COX7A2L: variants seen among roughly 807,000 people sequenced by gnomAD.
COX7A2L encodes the protein cytochrome c oxidase subunit 7A2-like, mitochondrial.
In COX7A2L, 18 loss-of-function variants were observed where a neutral mutation model predicts 14.2. The ratio of observed to expected loss-of-function variants is 1.27; its 90% CI spans 0.88 to 1.88. The LOEUF is 1.88. Ranked by LOEUF, COX7A2L falls within the 40% of genes most tolerant of loss-of-function variation. The probability of loss-of-function intolerance (pLI) is 0.00; values close to 1 mark genes in which losing one functional copy is unlikely to be tolerated. For missense variants in COX7A2L, 179 were observed against 138.8 expected (o/e 1.29, Z -1.46); for synonymous variants, 65 against 57.4 (o/e 1.13, Z -0.60).
chr2:42,362,372 T>A (rs1436300475), upstream of COX7A2L, among the ~76,000 whole-genome samples: 1 of 152,236 alleles, frequency 6.6e-6, no homozygotes, highest in Admixed American at 6.5e-5. Context: ...TATGAAATCA[T>A]GTTGCAAATT....
At chr2:42,347,694 C>T (rs970471607), downstream of COX7A2L, among the ~76,000 whole-genome samples, 1 of 152,102 alleles carries the variant, frequency 6.6e-6, no homozygotes, top group African/African-American at 2.4e-5. Context: ...GGCCAAGGCA[C>T]GTGGATCACC....
chr2:42,351,134 T>TAA lies in COX7A2L; in HGVS notation c.*83_*84dup, dbSNP rs568475280. 3.6e-5 allele frequency: 43 copies of TAA among 1,187,290 alleles called. No individual in the cohort carries two copies. Among genetic ancestry groups the TAA allele is most frequent in the South Asian group, 5.3e-5 (3 of 57,006 alleles). 73.5% of individuals were successfully genotyped at this position (1,187,290 alleles called of 1,614,324 possible). On this transcript the variant is annotated 3_prime_UTR_variant, in exon 3 of 3. Transcript: ENST00000234301. Reference sequence around the variant, plus strand: ...TTGCAAAAATGTTAAGCCATCCAAGTAAAAAAAAAAATTTTAATTTAACAA... The same window carrying TAA: ...TTGCAAAAATGTTAAGCCATCCAAGTAAAAAAAAAAAAATTTTAATTTAACAA...
At chr2:42,353,008 G>A in intron 2 of COX7A2L, 1 of 625,886 alleles carries the variant, frequency 1.6e-6, no homozygotes, top group South Asian at 2.2e-5. Flanking sequence ...TACTAATGAG[G>A]AAATTAACCA....
rs535710805 is a variant in COX7A2L, at chr2:42,361,169, A to G, written c.-8T>C. The G allele has an allele frequency of 1.1e-5, 17 of 1,607,646 alleles. No homozygotes were observed. The South Asian group carries it at 1.2e-4, about 12-fold the overall frequency. On this transcript the variant is annotated 5_prime_UTR_variant, in exon 1 of 3. Coordinates refer to ENST00000234301, the MANE Select transcript of COX7A2L (RefSeq NM_004718.4). Reference sequence around the variant, plus strand: ...ACTAAACTTGTAGTACATGACGCCCAGAGTCCGGCTTCCCGCATCCGCTGC... The same window carrying G: ...ACTAAACTTGTAGTACATGACGCCCGGAGTCCGGCTTCCCGCATCCGCTGC...
At chr2:42,364,117 A>G (rs1188959529), upstream of COX7A2L, among the ~76,000 whole-genome samples, 1 of 152,020 alleles carries the variant, frequency 6.6e-6, no homozygotes, top group Non-Finnish European at 1.5e-5. Flanking sequence ...CGGGCGTGGT[A>G]GCGGGCGCCT....
intron 1 of COX7A2L, among the ~76,000 whole-genome samples, chr2:42,368,078 T>A (rs151116335): frequency 1.4e-3 from 207 of 152,380 alleles, no homozygotes; most frequent in African/African-American, 4.9e-3. Context: ...ATGTCAGGAA[T>A]GCAGAGCCTG....
chr2:42,336,062 CT>C (rs1670263680), intron 2 of COX7A2L, among the ~76,000 whole-genome samples: 2 of 152,230 alleles, frequency 1.3e-5, no homozygotes, highest in South Asian at 4.1e-4. Context: ...ACACCACTCC[CT>C]TATTATCCAG....
intron 2 of COX7A2L, among the ~76,000 whole-genome samples, chr2:42,336,096 C>T (rs878884464): frequency 6.6e-6 from 1 of 152,226 alleles, no homozygotes. Flanking sequence ...TTCCATTTCA[C>T]TGAGCTCAGC....
In COX7A2L at chr2:42,342,237, G is replaced by A. The variant is rs1279508777; in HGVS notation, c.193-8368C>T. On this transcript the variant is annotated intron_variant, in intron 2 of 2. Coordinates refer to the COX7A2L transcript ENST00000468711. This position sits in a 1 kb window ranked among gnomAD's most constrained non-coding sequence, Gnocchi z 4.9. ...TGGTACAGCTGGAACCCTGAAGGGG[G>A]CCCTGGACCAGCAGAGCCTGCCTCT... Among the ~76,000 whole-genome samples the A allele has an allele frequency of 6.6e-6, 1 of 152,070 alleles. No homozygotes were observed. The highest frequency in any genetic ancestry group is 1.5e-5 in the Non-Finnish European group (1 of 67,998).
At chr2:42,347,439 A>G (rs1670521319), downstream of COX7A2L, among the ~76,000 whole-genome samples, 1 of 152,044 alleles carries the variant, frequency 6.6e-6, no homozygotes, top group South Asian at 2.1e-4. Context: ...ACAGCTAAAG[A>G]TTATGCATTA....
chr2:42,364,268 A>AG (rs1264344361), upstream of COX7A2L, among the ~76,000 whole-genome samples: 1 of 151,098 alleles, frequency 6.6e-6, no homozygotes, highest in East Asian at 1.9e-4. Flanking sequence ...AAAAAAAAAA[A>AG]AAATTGACAG....
rs1052986500 is a variant in COX7A2L at position 42,351,784 on chromosome 2, G to T, written c.205-425C>A. Among the ~76,000 whole-genome samples the T allele has an allele frequency of 1.1e-4, 16 of 152,130 alleles. 1 individual carries two copies. Among genetic ancestry groups the T allele is most frequent in the Admixed American group, 6.5e-4 (10 of 15,288 alleles). ...AGCCCAGGAGTTCAAGACCAGCCTG[G>T]GCAACATGGCAAAACCCTGTCTCTA... On this transcript the variant is annotated intron_variant, in intron 2 of 2. Coordinates refer to ENST00000234301, the MANE Select transcript of COX7A2L (RefSeq NM_004718.4).
intron 2 of COX7A2L, among the ~76,000 whole-genome samples, chr2:42,341,270 T>C (rs1670399485): frequency 6.6e-6 from 1 of 152,030 alleles, no homozygotes; most frequent in Non-Finnish European, 1.5e-5. Flanking sequence ...CATCTACCCC[T>C]TGGCAGGAGC....
downstream of COX7A2L, among the ~76,000 whole-genome samples, chr2:42,346,673 T>C (rs1036489744): frequency 6.6e-6 from 1 of 151,726 alleles, no homozygotes; most frequent in East Asian, 1.9e-4. Context: ...GTGAGGTGGA[T>C]CACTTGAGCC....
chr2:42,341,602 G>A (rs887797037), intron 2 of COX7A2L, among the ~76,000 whole-genome samples: 3 of 152,134 alleles, frequency 2.0e-5, no homozygotes, highest in East Asian at 1.9e-4. Context: ...AGTGATGGGT[G>A]GGGGGACACA....
chr2:42,354,810 G>A (rs1234133533), intron 1 of COX7A2L, among the ~76,000 whole-genome samples: 1 of 152,174 alleles, frequency 6.6e-6, no homozygotes, highest in African/African-American at 2.4e-5. Flanking sequence ...CATTGCCACA[G>A]TCTCAGCCAC....
downstream of COX7A2L, among the ~76,000 whole-genome samples, chr2:42,347,829 G>A (rs571677251): frequency 6.6e-4 from 101 of 152,312 alleles, no homozygotes; most frequent in African/African-American, 2.3e-3. Context: ...GCTGAGGCAG[G>A]AGAACTGCTT....
intron 1 of COX7A2L, among the ~76,000 whole-genome samples, chr2:42,356,569 C>T (rs1353948489): frequency 6.6e-6 from 1 of 152,220 alleles, no homozygotes; most frequent in Non-Finnish European, 1.5e-5. Context: ...GATCAACTGG[C>T]ATTTGATGGC....
At position 42,361,087 on chromosome 2, in the gene COX7A2L, T is replaced by C. The variant is rs1671019737; in HGVS notation, c.72+3A>G. ...GTCCGAGCTGGCCAGGCGCCACTCG[T>C]ACCTGCGGGCTATAGGCCTCCGAAG... On this transcript the variant is annotated splice_donor_region_variant and intron_variant, in intron 1 of 2. Transcript: ENST00000234301. The C allele has an allele frequency of 6.2e-7, 1 of 1,613,282 alleles. No homozygotes were observed. Among genetic ancestry groups the C allele is most frequent in the Non-Finnish European group, 8.5e-7 (1 of 1,179,776 alleles).
Sources: gnomAD v4.1 joint callset for allele counts (sites outside exome capture counted in the v4.1 genomes callset) on GRCh38, gnomAD v4.1.1 for gene constraint, Gnocchi (gnomAD v3.1) non-coding constraint, MANE v1.5 for transcripts, NCBI Gene and HGNC (gene_info 2026-07-23, HGNC 2026-07-21) for gene names.